Variants in TRIP11 observed in about 807,000 individuals in gnomAD.
TRIP11 encodes thyroid hormone receptor interactor 11, also known as thyroid receptor-interacting protein 11.
TRIP11 carries 148 observed loss-of-function variants against 223.1 expected under a neutral mutation model. The ratio of observed to expected loss-of-function variants is 0.66; its 90% CI spans 0.58 to 0.76. TRIP11 has a LOEUF of 0.76. Ranked by LOEUF, TRIP11 falls within the 30% of genes least tolerant of loss-of-function variation. TRIP11 has a pLI of 0.00. For missense variants in TRIP11, 2,043 were observed against 2,222.0 expected (o/e 0.92, Z 1.62); for synonymous variants, 762 against 772.6 (o/e 0.99, Z 0.23).
chr14:92,018,979 C>CAAAAAAAAAAAAAAAAAAAAAAAAAA (rs1282016494), intron 4 of TRIP11, among the ~76,000 whole-genome samples: 1 of 90,608 alleles, frequency 1.1e-5, no homozygotes, highest in Non-Finnish European at 2.5e-5. Context: ...AAAAAAAAAA[C>CAAAAAAAAAAAAAAAAAAAAAAAAAA]AAAAAAAAAA....
rs986797824 is a variant in TRIP11, at chr14:92,037,407, G to A, written c.139+2140C>T. On this transcript the variant is annotated intron_variant, in intron 1 of 20. Transcript: ENST00000267622. The surrounding 1 kb of genome is among the most constrained non-coding windows in gnomAD (Gnocchi z 4.2). ...CTTAAGTACCTGACATATGAGCAGG[G>A]TTGTACAGGAGAATTGTTTTCTGGG... 6.6e-6 allele frequency among the ~76,000 whole-genome samples: 1 copy of A among 152,238 alleles called. No homozygotes were observed. Among genetic ancestry groups the A allele is most frequent in the African/African-American group, 2.4e-5 (1 of 41,464 alleles).
At chr14:91,994,352 C>A (rs1183078971) in intron 14 of TRIP11, among the ~76,000 whole-genome samples, 1 of 150,684 alleles carries the variant, frequency 6.6e-6, no homozygotes, top group African/African-American at 2.4e-5. Flanking sequence ...GCAACCTCCT[C>A]CTCCAGGGTT....
At position 92,004,746 on chromosome 14, in the gene TRIP11, G is replaced by A; in HGVS notation, c.3230C>T (p.Ser1077Leu). Residue 1077 changes from serine to leucine, a missense_variant, in exon 11 of 21, where the codon TCA becomes TTA. Physicochemically the swap from Ser to Leu is moderately radical, Grantham distance 145. Transcript: ENST00000267622. Reference sequence around the variant, plus strand: ...AACAACATCTTGAGTATGGGAAGTTGAAGAAATTCTAGCATGAAGAGCTTG... The same window carrying A: ...AACAACATCTTGAGTATGGGAAGTTAAAGAAATTCTAGCATGAAGAGCTTG... Reference protein sequence around the residue: ...EIQALHARISSTSHTQDVVYL... With the variant: ...EIQALHARISLTSHTQDVVYL... The A allele has an allele frequency of 6.2e-7, 1 of 1,614,162 alleles. No individual in the cohort carries two copies. The highest frequency in any genetic ancestry group is 8.5e-7 in the Non-Finnish European group (1 of 1,180,018).
rs2057109590 is a variant in TRIP11 at position 92,021,179 on chromosome 14, G to C, written c.588+377C>G. On this transcript the variant is annotated intron_variant, in intron 4 of 20. Coordinates refer to ENST00000267622, the MANE Select transcript of TRIP11 (RefSeq NM_004239.4). ...AGGCCGAGGTGGGCAGATCACCTAA[G>C]GTCAGGAGTTCGAGACTAGCCTGGC... Among the ~76,000 whole-genome samples the C allele has an allele frequency of 2.0e-5, 3 of 151,550 alleles. No individual in the cohort carries two copies. In the South Asian group the frequency reaches 6.2e-4, roughly 32 times the overall value.
Position 92,039,839 on chromosome 14 carries a change from TCTGCCTAGAAACGCAGAGGC to T in TRIP11, c.-174_-155del, listed in dbSNP as rs891396835. 36 of 1,504,748 alleles carry T rather than the reference TCTGCCTAGAAACGCAGAGGC, an allele frequency of 2.4e-5. No homozygotes were observed. The Admixed American group carries it at 7.3e-4, about 30-fold the overall frequency. 93.2% of individuals were successfully genotyped at this position (1,504,748 alleles called of 1,614,324 possible). Reference sequence around the variant, plus strand: ...TTCTCAGGCAAGGCCGACTCCAGGTTCTGCCTAGAAACGCAGAGGCCTGGCCTGGAATTTTACCAGGGGCC... The same window carrying T: ...TTCTCAGGCAAGGCCGACTCCAGGTTCTGGCCTGGAATTTTACCAGGGGCC... On this transcript the variant is annotated 5_prime_UTR_variant, in exon 1 of 21. It removes the in-frame stop codon of an upstream open reading frame in the 5' UTR. Coordinates refer to ENST00000267622, the MANE Select transcript of TRIP11 (RefSeq NM_004239.4).
chr14:91,974,020 T>A (rs1178195278), intron 19 of TRIP11, among the ~76,000 whole-genome samples: 1 of 152,148 alleles, frequency 6.6e-6, no homozygotes, highest in Non-Finnish European at 1.5e-5. Context: ...AGAGCGAGAC[T>A]CTGTCTCAAA....
intron 3 of TRIP11, among the ~76,000 whole-genome samples, chr14:92,023,339 A>C (rs891017703): frequency 2.0e-5 from 3 of 152,264 alleles, no homozygotes; most frequent in Non-Finnish European, 2.9e-5. Context: ...ATTCTCATAA[A>C]TGTAATGAGA....
chr14:92,017,171 G>A (rs1305972158), intron 5 of TRIP11, among the ~76,000 whole-genome samples: 1 of 151,956 alleles, frequency 6.6e-6, no homozygotes, highest in African/African-American at 2.4e-5. Flanking sequence ...CGTAATAAAT[G>A]TTCAAAACCA....
intron 8 of TRIP11, 147 bp downstream of exon 8, chr14:92,011,608 A>G (rs933116249): frequency 1.4e-5 from 10 of 693,290 alleles, no homozygotes; most frequent in Admixed American, 1.2e-4. Context: ...GAAAAATATA[A>G]AAATATATTT....
intron 1 of TRIP11, among the ~76,000 whole-genome samples, chr14:92,035,581 A>ATTTTT (rs200927283): frequency 3.4e-4 from 40 of 117,998 alleles, no homozygotes; most frequent in African/African-American, 1.2e-3. Context: ...TTATTTATTT[A>ATTTTT]TTTATTTTTT....
chr14:92,008,177 C>G (rs190175000), intron 9 of TRIP11, among the ~76,000 whole-genome samples: 2 of 152,240 alleles, frequency 1.3e-5, no homozygotes, highest in East Asian at 1.9e-4. Context: ...CCGTGGCTAC[C>G]CTTTATCCAT....
At chr14:92,033,816 T>G (rs919245475) in intron 1 of TRIP11, among the ~76,000 whole-genome samples, 1 of 152,170 alleles carries the variant, frequency 6.6e-6, no homozygotes, top group African/African-American at 2.4e-5. Context: ...TGCTTCTGTG[T>G]TTTTTTGTAG....
intron 16 of TRIP11, among the ~76,000 whole-genome samples, chr14:91,981,034 T>C (rs2056536791): frequency 7.8e-6 from 1 of 128,588 alleles, no homozygotes; most frequent in Admixed American, 8.4e-5. Context: ...TTTTTTTTTT[T>C]TTGAGACAGA....
At chr14:92,034,290 G>A (rs2140150302) in intron 1 of TRIP11, among the ~76,000 whole-genome samples, 1 of 152,244 alleles carries the variant, frequency 6.6e-6, no homozygotes, top group African/African-American at 2.4e-5. Context: ...GGGTGTGGTG[G>A]CACACGCCTG....
chr14:91,996,828 A>G (rs1482341280), intron 13 of TRIP11, among the ~76,000 whole-genome samples: 2 of 152,186 alleles, frequency 1.3e-5, no homozygotes, highest in Non-Finnish European at 2.9e-5. Context: ...TATTAAACAC[A>G]ATAACCTCTA....
At chr14:91,982,637 G>C (rs574700810) in intron 16 of TRIP11, among the ~76,000 whole-genome samples, 21 of 152,122 alleles carry the variant, frequency 1.4e-4, no homozygotes, top group Non-Finnish European at 4.4e-5. Context: ...TTTTTAATGA[G>C]ATATTTCATG....
At chr14:92,022,501 A>G (rs901024133) in intron 3 of TRIP11, among the ~76,000 whole-genome samples, 2 of 152,240 alleles carry the variant, frequency 1.3e-5, no homozygotes, top group Non-Finnish European at 2.9e-5. Flanking sequence ...CCTATTTAGG[A>G]AGAGAACAGT....
chr14:91,992,074 C>T (rs1170607125), intron 15 of TRIP11, among the ~76,000 whole-genome samples: 9 of 92,368 alleles, frequency 9.7e-5, no homozygotes, highest in African/African-American at 2.8e-4. Context: ...AGCGAAACGC[C>T]GTCTCAAAAA....
rs1005682187 is a variant in TRIP11, at chr14:92,003,371, T to G, written c.4557+48A>C. The G allele has an allele frequency of 3.1e-6, 5 of 1,606,290 alleles. No individual in the cohort carries two copies. In the South Asian group the frequency reaches 4.4e-5, roughly 14 times the overall value. Reference sequence around the variant, plus strand: ...ATAAATGAAATAACATTAAAAAAAGTCTCCTCCACCCCCAACTTCCTTCTA... The same window carrying G: ...ATAAATGAAATAACATTAAAAAAAGGCTCCTCCACCCCCAACTTCCTTCTA... On this transcript the variant is annotated intron_variant, in intron 11 of 20. Coordinates refer to ENST00000267622, the MANE Select transcript of TRIP11 (RefSeq NM_004239.4).
Sources: gnomAD v4.1 joint callset for allele counts (sites outside exome capture counted in the v4.1 genomes callset) on GRCh38, gnomAD v4.1.1 for gene constraint, Gnocchi (gnomAD v3.1) non-coding constraint, MANE v1.5 for transcripts, NCBI Gene and HGNC (gene_info 2026-07-23, HGNC 2026-07-21) for gene names.